The following C10orf53 variants were observed in gnomAD, a reference collection of about 807,000 sequenced individuals.
C10orf53 encodes chromosome 10 open reading frame 53.
A neutral mutation model predicts 9.4 loss-of-function variants in C10orf53; 8 were observed. The observed-to-expected ratio is 0.85, with a 90% CI of 0.50 to 1.53. The LOEUF is 1.53. Among genes scored for constraint, C10orf53 ranks in the 40% most tolerant of loss-of-function variants. The probability of loss-of-function intolerance (pLI) is 0.00; values close to 1 mark genes in which losing one functional copy is unlikely to be tolerated. For synonymous variants in C10orf53, 48 were observed against 46.0 expected, an observed-to-expected ratio of 1.04 and a Z score of -0.18; for missense variants, 117 against 117.8, an observed-to-expected ratio of 0.99 and a Z score of 0.03.
chr10:49,679,892 G>A (rs1464468018), intron 1 of C10orf53, 98 bp downstream of exon 1: 1 of 1,096,448 alleles, frequency 9.1e-7, no homozygotes, highest in Non-Finnish European at 1.2e-6. Flanking sequence ...CCCCCACGAA[G>A]CGCCACCTCT....
At chr10:49,699,517 A>G (rs1840665098), downstream of C10orf53, among the ~76,000 whole-genome samples, 1 of 151,902 alleles carries the variant, frequency 6.6e-6, no homozygotes, top group Non-Finnish European at 1.5e-5. Flanking sequence ...TAAAAAAAAA[A>G]TTGGTGCCAA....
chr10:49,681,685 T>C (rs553581947), intron 1 of C10orf53, among the ~76,000 whole-genome samples: 2 of 152,340 alleles, frequency 1.3e-5, no homozygotes, highest in South Asian at 4.1e-4. Flanking sequence ...CTCTGGGCGC[T>C]CTTCCTGGCT....
chr10:49,698,184 G>C (rs1361236913), downstream of C10orf53, among the ~76,000 whole-genome samples: 1 of 152,198 alleles, frequency 6.6e-6, no homozygotes, highest in East Asian at 1.9e-4. Context: ...CAGCTATTTG[G>C]TAGACTGAGG....
At chr10:49,702,225 A>AAGGAAGGG (rs1554812141), downstream of C10orf53, among the ~76,000 whole-genome samples, 1 of 75,318 alleles carries the variant, frequency 1.3e-5, no homozygotes, top group Non-Finnish European at 2.8e-5. Context: ...GGAAGGAAGG[A>AAGGAAGGG]AGGGAGGGAG....
In C10orf53 at chr10:49,696,734, G is replaced by C. The variant is rs77350293; in HGVS notation, c.*2132G>C. ...ATCAGCATTGCTGGGAAAAATCACC[G>C]AGGTTTCCTCTGAGCAGTGGGATTG... On this transcript the variant is annotated 3_prime_UTR_variant, in exon 3 of 3. Coordinates refer to ENST00000374111, the MANE Select transcript of C10orf53 (RefSeq NM_001042427.3). 0.018 allele frequency among the ~76,000 whole-genome samples: 2,754 copies of C among 152,160 alleles called. 39 individuals are homozygous for C. The highest frequency in any genetic ancestry group is 0.032 in the Non-Finnish European group (2,167 of 67,984).
At chr10:49,708,596 G>T (rs1160167847) in exon 3 of C10orf53, 2 of 1,614,078 alleles carry the variant, frequency 1.2e-6, no homozygotes, top group African/African-American at 2.7e-5. Flanking sequence ...GACTAGAGAA[G>T]AGGGGAACTC....
At chr10:49,699,962 T>C (rs530350449), downstream of C10orf53, among the ~76,000 whole-genome samples, 2 of 152,096 alleles carry the variant, frequency 1.3e-5, no homozygotes, top group South Asian at 4.2e-4. Flanking sequence ...TTTGCCTGCA[T>C]GGTCACAGGT....
intron 1 of C10orf53, among the ~76,000 whole-genome samples, chr10:49,685,524 T>C (rs1840520252): frequency 6.6e-6 from 1 of 152,130 alleles, no homozygotes; most frequent in Non-Finnish European, 1.5e-5. Context: ...GTGTATAATG[T>C]ATATATATTT....
At chr10:49,687,628 G>A (rs1436358394) in intron 1 of C10orf53, among the ~76,000 whole-genome samples, 2 of 152,240 alleles carry the variant, frequency 1.3e-5, no homozygotes, top group Non-Finnish European at 2.9e-5. Flanking sequence ...ATTCTGATGA[G>A]CAAGTGCATG....
intron 2 of C10orf53, among the ~76,000 whole-genome samples, chr10:49,703,230 C>T (rs897695705): frequency 1.3e-5 from 2 of 152,150 alleles, no homozygotes; most frequent in Non-Finnish European, 1.5e-5. Context: ...TCATGCACAT[C>T]ACTAATTAGA....
intron 2 of C10orf53, among the ~76,000 whole-genome samples, chr10:49,704,279 T>A (rs1840707444): frequency 6.6e-6 from 1 of 152,096 alleles, no homozygotes; most frequent in East Asian, 1.9e-4. Flanking sequence ...GCAACTCATA[T>A]CCTTAACCTA....
chr10:49,702,221 A>G (rs1401934203), downstream of C10orf53, among the ~76,000 whole-genome samples: 2 of 118,558 alleles, frequency 1.7e-5, no homozygotes, highest in African/African-American at 6.8e-5. Flanking sequence ...AAAAGGAAGG[A>G]AGGAAGGGAG....
rs930041909 is a variant in C10orf53 at position 49,705,353 on chromosome 10, G to A, written c.218-3008G>A. Among the ~76,000 whole-genome samples, 6 of 152,216 alleles carry A rather than the reference G, an allele frequency of 3.9e-5. No individual in the cohort carries two copies. In the East Asian group the frequency reaches 7.7e-4, roughly 20 times the overall value. On this transcript the variant is annotated intron_variant, in intron 2 of 2. Coordinates refer to the C10orf53 transcript ENST00000374112. ...ACATCCTTTTTACCTTTGAAACTTTGTATATATTATATTACCCATTCAAAA... is the reference window on the plus strand; with the variant it reads ...ACATCCTTTTTACCTTTGAAACTTTATATATATTATATTACCCATTCAAAA...
intron 1 of C10orf53, among the ~76,000 whole-genome samples, chr10:49,692,667 G>C (rs1840595872): frequency 6.6e-6 from 1 of 152,108 alleles, no homozygotes; most frequent in African/African-American, 2.4e-5. Context: ...TGATGTTATG[G>C]GTTAAATATA....
At position 49,696,160 on chromosome 10, in the gene C10orf53, A is replaced by G. The variant is rs900291996; in HGVS notation, c.*1558A>G. 3.3e-5 allele frequency: 5 copies of G among 152,150 alleles called. No homozygotes were observed. The highest frequency in any genetic ancestry group is 1.2e-4 in the African/African-American group (5 of 41,446). The allele number at this position is 152,150 out of a possible 1,614,324, so 9.4% of individuals were successfully genotyped here. ...TGCACAATTTTGTAAGTTTTTAAAA[A>G]TTTTTCAACTTTTATTTTAGATACA... On this transcript the variant is annotated 3_prime_UTR_variant, in exon 3 of 3. Coordinates refer to ENST00000374111, the MANE Select transcript of C10orf53 (RefSeq NM_001042427.3).
At chr10:49,690,862 G>C (rs896898788) in intron 1 of C10orf53, among the ~76,000 whole-genome samples, 1 of 152,184 alleles carries the variant, frequency 6.6e-6, no homozygotes, top group Non-Finnish European at 1.5e-5. Flanking sequence ...AGGAGGGAGA[G>C]AGGTCTGTTT....
At chr10:49,689,822 A>G (rs1312835018) in intron 1 of C10orf53, among the ~76,000 whole-genome samples, 2 of 152,196 alleles carry the variant, frequency 1.3e-5, no homozygotes, top group Non-Finnish European at 2.9e-5. Flanking sequence ...CATTTTTAAA[A>G]TGTTGTCCTT....
intron 1 of C10orf53, among the ~76,000 whole-genome samples, chr10:49,692,986 A>T (rs1840598958): frequency 6.6e-6 from 1 of 152,240 alleles, no homozygotes; most frequent in South Asian, 2.1e-4. Context: ...CTCACCACAG[A>T]CAGATAATCA....
chr10:49,707,584 C>G (rs897390868), intron 2 of C10orf53, among the ~76,000 whole-genome samples: 2 of 152,184 alleles, frequency 1.3e-5, no homozygotes, highest in Admixed American at 1.3e-4. Flanking sequence ...TTGACTGATT[C>G]TTGTCTTTAA....
Sources: gnomAD v4.1 joint callset for allele counts (sites outside exome capture counted in the v4.1 genomes callset) on GRCh38, gnomAD v4.1.1 for gene constraint, MANE v1.5 for transcripts, NCBI Gene and HGNC (gene_info 2026-07-23, HGNC 2026-07-21) for gene names.